RAP1GDS1: variants seen among roughly 807,000 people sequenced by gnomAD.
RAP1GDS1 encodes RAP1, GTP-GDP dissociation stimulator 1.
Under a neutral mutation model 71.1 loss-of-function variants are expected in RAP1GDS1, and 35 were observed. The ratio of observed to expected loss-of-function variants is 0.49; its 90% CI spans 0.38 to 0.65. The LOEUF (loss-of-function observed/expected upper bound fraction) is 0.65. Among genes scored for constraint, RAP1GDS1 ranks in the 30% least tolerant of loss-of-function variants. The pLI is 0.00. For synonymous variants in RAP1GDS1, 229 were observed against 243.1 expected, an observed-to-expected ratio of 0.94 and a Z score of 0.54; for missense variants, 663 against 706.1, an observed-to-expected ratio of 0.94 and a Z score of 0.69.
chr4:98,306,438 A>G (rs1002299785), intron 2 of RAP1GDS1, among the ~76,000 whole-genome samples: 1 of 152,206 alleles, frequency 6.6e-6, no homozygotes, highest in African/African-American at 2.4e-5. Context: ...TTATAATGGC[A>G]TTAATCCATT....
At chr4:98,351,283 G>A (rs752184342) in intron 3 of RAP1GDS1, among the ~76,000 whole-genome samples, 1 of 152,138 alleles carries the variant, frequency 6.6e-6, no homozygotes, top group East Asian at 1.9e-4. Flanking sequence ...AGAGTAATAA[G>A]TAAGAAAGAG....
chr4:98,361,783 C>T (rs1226025430), intron 4 of RAP1GDS1, among the ~76,000 whole-genome samples: 1 of 152,084 alleles, frequency 6.6e-6, no homozygotes, highest in Admixed American at 6.6e-5. Context: ...GTATATACAC[C>T]TTGAAATTTT....
chr4:98,352,046 A>G (rs1285447997), intron 3 of RAP1GDS1, among the ~76,000 whole-genome samples: 3 of 151,086 alleles, frequency 2.0e-5, no homozygotes, highest in Non-Finnish European at 4.4e-5. Flanking sequence ...TTTTTTAGAA[A>G]ACAAAGTGAA....
At chr4:98,294,581 G>A (rs142948116) in intron 2 of RAP1GDS1, among the ~76,000 whole-genome samples, 98 of 152,172 alleles carry the variant, frequency 6.4e-4, no homozygotes, top group African/African-American at 2.1e-3. Flanking sequence ...AAAGAAAAAG[G>A]ACAGGAAAGG....
chr4:98,387,528 A>T, intron 5 of RAP1GDS1: 1 of 453,540 alleles, frequency 2.2e-6, no homozygotes, highest in Non-Finnish European at 4.4e-6. Context: ...ACACCAGCGC[A>T]TGCGTTGATT....
At chr4:98,338,586 A>G (rs763716048) in intron 2 of RAP1GDS1, among the ~76,000 whole-genome samples, 13 of 152,156 alleles carry the variant, frequency 8.5e-5, no homozygotes, top group Admixed American at 1.3e-4. Flanking sequence ...GCCTTCAGTG[A>G]AAACCTGTCT....
At chr4:98,413,043 C>T (rs143836886) in intron 7 of RAP1GDS1, among the ~76,000 whole-genome samples, 2,973 of 152,062 alleles carry the variant, frequency 0.02, 112 homozygotes, top group Admixed American at 0.1. Flanking sequence ...AGCAGAGAAC[C>T]GGTCTGACCT....
intron 4 of RAP1GDS1, 133 bp downstream of exon 4, chr4:98,352,734 A>G (rs1433634634): frequency 9.5e-6 from 7 of 739,092 alleles, no homozygotes; most frequent in Non-Finnish European, 1.4e-5. Context: ...AGCACTGCTT[A>G]TTTAGCAGAA....
chr4:98,303,093 C>T (rs1168760670), intron 2 of RAP1GDS1, among the ~76,000 whole-genome samples: 2 of 151,000 alleles, frequency 1.3e-5, no homozygotes, highest in South Asian at 2.1e-4. Flanking sequence ...TAGCATCAGA[C>T]GTCCACATAG....
At chr4:98,411,442 CTG>C (rs1267226932) in intron 7 of RAP1GDS1, among the ~76,000 whole-genome samples, 2 of 150,116 alleles carry the variant, frequency 1.3e-5, no homozygotes, top group African/African-American at 4.8e-5. Context: ...CAGCAAGACC[CTG>C]TCTCAAAAAA....
chr4:98,316,172 A>G (rs1262983209), intron 2 of RAP1GDS1, among the ~76,000 whole-genome samples: 1 of 152,198 alleles, frequency 6.6e-6, no homozygotes, highest in Non-Finnish European at 1.5e-5. Context: ...AGGGTACTGC[A>G]GTAATACTAG....
chr4:98,290,782 G>A (rs1274939214), intron 1 of RAP1GDS1, among the ~76,000 whole-genome samples: 1 of 152,046 alleles, frequency 6.6e-6, no homozygotes, highest in Non-Finnish European at 1.5e-5. Flanking sequence ...CTAAAATGTG[G>A]TAATTCTTTA....
intron 12 of RAP1GDS1, among the ~76,000 whole-genome samples, chr4:98,424,161 A>AT (rs1245185275): frequency 6.6e-6 from 1 of 152,180 alleles, no homozygotes; most frequent in Non-Finnish European, 1.5e-5. Flanking sequence ...TTGGGTTATC[A>AT]TGCCATTCAA....
rs76633519 is a variant in RAP1GDS1 at position 98,270,379 on chromosome 4, C to T, written c.4+8810C>T. On this transcript the variant is annotated intron_variant, in intron 1 of 14. Transcript: ENST00000408927. ...CATATCATTGGTATCTTAAATATAA[C>T]CTCTATATAACTTGTTTTTCTTTAG... 4.9e-4 allele frequency among the ~76,000 whole-genome samples: 75 copies of T among 152,094 alleles called. 1 individual carries two copies. The East Asian group carries it at 0.013, about 27-fold the overall frequency.
At chr4:98,436,917 G>C in intron 13 of RAP1GDS1, 23 bp from the exon 14 acceptor site, 1 of 1,581,310 alleles carries the variant, frequency 6.3e-7, no homozygotes, top group South Asian at 1.2e-5. Context: ...GTACGCAGTA[G>C]ATATACTTTG....
At chr4:98,417,656 A>G (rs2110185788) in intron 9 of RAP1GDS1, among the ~76,000 whole-genome samples, 158 bp downstream of exon 9, 1 of 152,336 alleles carries the variant, frequency 6.6e-6, no homozygotes, top group East Asian at 1.9e-4. Context: ...ACTTAGTGAC[A>G]TTCCTAACAA....
chr4:98,352,637 T>G (rs574587209), intron 4 of RAP1GDS1, 36 bp downstream of exon 4: 36 of 1,605,140 alleles, frequency 2.2e-5, no homozygotes, highest in Non-Finnish European at 3.0e-5. Context: ...ACATACATTT[T>G]TAAGAATTAT....
chr4:98,342,098 A>G (rs915784197), intron 2 of RAP1GDS1, among the ~76,000 whole-genome samples: 5 of 152,152 alleles, frequency 3.3e-5, no homozygotes, highest in African/African-American at 1.2e-4. Context: ...TGGGACCCAC[A>G]GTTTGAAAAA....
intron 14 of RAP1GDS1, among the ~76,000 whole-genome samples, chr4:98,438,400 A>T (rs1751429620): frequency 6.6e-6 from 1 of 151,424 alleles, no homozygotes; most frequent in Admixed American, 6.6e-5. Flanking sequence ...GTCATTTTCT[A>T]ATCTACTCTA....
Sources: gnomAD v4.1 joint callset for allele counts (sites outside exome capture counted in the v4.1 genomes callset) on GRCh38, gnomAD v4.1.1 for gene constraint, MANE v1.5 for transcripts, NCBI Gene and HGNC (gene_info 2026-07-23, HGNC 2026-07-21) for gene names.